The following ZNF385D variants were observed in gnomAD, a reference collection of about 807,000 sequenced individuals.
ZNF385D encodes zinc finger protein 385D.
ZNF385D carries 15 observed loss-of-function variants against 35.8 expected under a neutral mutation model. That is an observed-to-expected ratio of 0.42 (90% CI 0.28 to 0.64). The LOEUF (loss-of-function observed/expected upper bound fraction) is 0.64, where lower values mean the gene tolerates loss of function less well. Ranked by LOEUF, ZNF385D falls within the 30% of genes least tolerant of loss-of-function variation. ZNF385D has a pLI of 0.23. For missense variants in ZNF385D, 474 were observed against 494.6 expected (o/e 0.96, Z 0.39); for synonymous variants, 212 against 186.8 (o/e 1.13, Z -1.10).
intron 2 of ZNF385D, among the ~76,000 whole-genome samples, chr3:21,580,560 C>CTATT (rs2125703421): frequency 6.6e-6 from 1 of 152,000 alleles, no homozygotes; most frequent in East Asian, 1.9e-4. Flanking sequence ...GCTTTACTGC[C>CTATT]TATTTTTTTC....
intron 1 of ZNF385D, among the ~76,000 whole-genome samples, chr3:21,675,381 T>C (rs17618743): frequency 4.0e-5 from 6 of 151,840 alleles, no homozygotes; most frequent in African/African-American, 1.5e-4. Context: ...CACTGGGTAC[T>C]GTACTGGGTC....
intron 3 of ZNF385D, among the ~76,000 whole-genome samples, chr3:21,543,691 T>C (rs949825445): frequency 3.3e-5 from 5 of 152,260 alleles, no homozygotes; most frequent in African/African-American, 1.2e-4. Context: ...CTGTTGATTT[T>C]CTTTCCCCTT....
At chr3:22,191,556 T>G (rs1696031379) in intron 2 of ZNF385D, among the ~76,000 whole-genome samples, 1 of 152,124 alleles carries the variant, frequency 6.6e-6, no homozygotes, top group South Asian at 2.1e-4. Flanking sequence ...GAGCATATTC[T>G]TCTTTTAGAG....
At chr3:21,769,911 A>T (rs1264761835) in intron 3 of ZNF385D, among the ~76,000 whole-genome samples, 1 of 151,930 alleles carries the variant, frequency 6.6e-6, no homozygotes, top group Non-Finnish European at 1.5e-5. Context: ...GGAACAGAAC[A>T]GAGCCCTCAG....
intron 1 of ZNF385D, among the ~76,000 whole-genome samples, chr3:21,740,211 T>A (rs1478197233): frequency 6.6e-6 from 1 of 152,094 alleles, no homozygotes; most frequent in Non-Finnish European, 1.5e-5. Context: ...TATACTAAGG[T>A]TGGAAACTTA....
At chr3:21,751,326 A>T, upstream of ZNF385D, 1 of 1,057,484 alleles carries the variant, frequency 9.5e-7, no homozygotes, top group South Asian at 3.0e-5. Flanking sequence ...GGAAGCTTTG[A>T]CGAGCCCAGA....
At chr3:22,089,874 T>C (rs1438820614) in intron 3 of ZNF385D, among the ~76,000 whole-genome samples, 1 of 152,174 alleles carries the variant, frequency 6.6e-6, no homozygotes, top group Non-Finnish European at 1.5e-5. Flanking sequence ...TCTTGCTCTG[T>C]GGTCAGGCTG....
At chr3:21,511,783 G>A (rs1264786094) in intron 3 of ZNF385D, 1 of 456,134 alleles carries the variant, frequency 2.2e-6, no homozygotes, top group East Asian at 7.0e-5. Flanking sequence ...AGAGAGTTTA[G>A]AGTGATATGC....
At chr3:21,911,840 G>C (rs1449388954) in intron 3 of ZNF385D, among the ~76,000 whole-genome samples, 3 of 151,752 alleles carry the variant, frequency 2.0e-5, no homozygotes, top group African/African-American at 7.3e-5. Flanking sequence ...TGCTTTATAA[G>C]ACAAATATTT....
At chr3:21,925,010 G>C (rs1346773029) in intron 3 of ZNF385D, among the ~76,000 whole-genome samples, 3 of 152,042 alleles carry the variant, frequency 2.0e-5, no homozygotes, top group Non-Finnish European at 4.4e-5. Flanking sequence ...TAAAAAAAGA[G>C]AAAAATAAGT....
chr3:21,965,976 T>A (rs1427095375), intron 3 of ZNF385D, among the ~76,000 whole-genome samples: 1 of 152,184 alleles, frequency 6.6e-6, no homozygotes, highest in Non-Finnish European at 1.5e-5. Flanking sequence ...TTCTGTAAGT[T>A]TGAAATTATA....
At chr3:21,777,608 A>G (rs879350672) in intron 3 of ZNF385D, 1 of 152,096 alleles carries the variant, frequency 6.6e-6, no homozygotes, top group Admixed American at 6.6e-5. Context: ...AGTTGCTTAC[A>G]TAGATCTTCC....
chr3:22,244,440 T>G (rs891790074), intron 2 of ZNF385D, among the ~76,000 whole-genome samples: 11 of 149,462 alleles, frequency 7.4e-5, no homozygotes, highest in African/African-American at 2.5e-4. Context: ...AGTATATTCT[T>G]ATCATCAATA....
intron 3 of ZNF385D, among the ~76,000 whole-genome samples, chr3:21,540,137 T>A (rs1408444252): frequency 6.6e-6 from 1 of 152,184 alleles, no homozygotes; most frequent in Admixed American, 6.5e-5. Context: ...AGTTAGAAGC[T>A]GGAGAAAGCT....
rs539321345 is a variant in ZNF385D at position 22,002,982 on chromosome 3, A to G, written c.325+165835T>C. Among the ~76,000 whole-genome samples, 109 of 152,336 alleles carry G rather than the reference A, an allele frequency of 7.2e-4. 3 individuals are homozygous for G. In the South Asian group the frequency reaches 0.022, roughly 30 times the overall value. ...CAGCTAATATCATGCTGAATGGGGA[A>G]AAGCTGGAAGCCTTTTCTCTAAGAA... On this transcript the variant is annotated intron_variant, in intron 3 of 5. Coordinates refer to the ZNF385D transcript ENST00000494108.
At chr3:21,657,678 C>A (rs1390125090) in intron 2 of ZNF385D, among the ~76,000 whole-genome samples, 1 of 149,752 alleles carries the variant, frequency 6.7e-6, no homozygotes, top group East Asian at 2.0e-4. Flanking sequence ...TCTACCGCTT[C>A]TGTCTAAGAA....
At chr3:22,100,882 A>C (rs1162144254) in intron 3 of ZNF385D, among the ~76,000 whole-genome samples, 1 of 151,874 alleles carries the variant, frequency 6.6e-6, no homozygotes, top group Non-Finnish European at 1.5e-5. Flanking sequence ...AAATAAAATA[A>C]ATAAAAATAA....
At chr3:21,920,861 C>T (rs181534779) in intron 3 of ZNF385D, among the ~76,000 whole-genome samples, 1 of 152,070 alleles carries the variant, frequency 6.6e-6, no homozygotes, top group Non-Finnish European at 1.5e-5. Context: ...AACTTCAATA[C>T]ATGCAAACTT....
At chr3:21,881,039 A>C (rs1182627829) in intron 3 of ZNF385D, among the ~76,000 whole-genome samples, 2 of 151,994 alleles carry the variant, frequency 1.3e-5, no homozygotes, top group Non-Finnish European at 2.9e-5. Flanking sequence ...TGGTTAATGA[A>C]GTTTAAGGAA....
Sources: gnomAD v4.1 joint callset for allele counts (sites outside exome capture counted in the v4.1 genomes callset) on GRCh38, gnomAD v4.1.1 for gene constraint, MANE v1.5 for transcripts, NCBI Gene and HGNC (gene_info 2026-07-23, HGNC 2026-07-21) for gene names.